ELL: variants seen among roughly 807,000 people sequenced by gnomAD.
The protein encoded by ELL is elongation factor for RNA polymerase II, also known as RNA polymerase II elongation factor ELL.
ELL carries 18 observed loss-of-function variants against 64.0 expected under a neutral mutation model. That is an observed-to-expected ratio of 0.28 (90% confidence interval 0.19 to 0.42). The LOEUF (loss-of-function observed/expected upper bound fraction) is 0.42. Among genes scored for constraint, ELL ranks in the 10% least tolerant of loss-of-function variants. ELL has a pLI of 1.00. For missense variants in ELL, 797 were observed against 870.4 expected (o/e 0.92, Z 1.06); for synonymous variants, 399 against 376.2 (o/e 1.06, Z -0.70).
At chr19:18,500,689 G>A (rs372643769) in intron 1 of ELL, among the ~76,000 whole-genome samples, 35 of 148,164 alleles carry the variant, frequency 2.4e-4, no homozygotes, top group East Asian at 5.8e-4. Context: ...GCCAGGCCCC[G>A]GGCAGCATGG....
At chr19:18,469,265 G>A (rs1040624493) in intron 2 of ELL, among the ~76,000 whole-genome samples, 1 of 152,212 alleles carries the variant, frequency 6.6e-6, no homozygotes, top group East Asian at 1.9e-4. Flanking sequence ...CAGACACCGA[G>A]GTTCTCACAG....
At chr19:18,447,806 CAG>C (rs1974449068) in intron 8 of ELL, among the ~76,000 whole-genome samples, 1 of 148,314 alleles carries the variant, frequency 6.7e-6, no homozygotes, top group African/African-American at 2.5e-5. Context: ...TTTTTAGAGA[CAG>C]GGTCTTGCTC....
At chr19:18,446,131 A>T in intron 10 of ELL, 178 bp downstream of exon 10, 1 of 774,256 alleles carries the variant, frequency 1.3e-6, no homozygotes, top group Non-Finnish European at 2.0e-6. Flanking sequence ...CCACAACAGG[A>T]CCCCAGGGCC....
chr19:18,501,834 C>T lies in ELL; in HGVS notation c.135+20087G>A, dbSNP rs1975784708. ...TCCTCAACCTCCAGCTACGTGTCTG[C>T]GGGTGGGCAGGAAGGAGGGGAGGCA... is the stretch of plus-strand genomic sequence containing the variant. On this transcript the variant is annotated intron_variant, in intron 1 of 11. Transcript: ENST00000262809. This position sits in a 1 kb window ranked among gnomAD's most constrained non-coding sequence, Gnocchi z 4.5. Among the ~76,000 whole-genome samples the T allele has an allele frequency of 6.6e-6, 1 of 152,182 alleles. No homozygotes were observed. The highest frequency in any genetic ancestry group is 1.5e-5 in the Non-Finnish European group (1 of 68,028).
chr19:18,496,436 C>T (rs1975654464), intron 1 of ELL, among the ~76,000 whole-genome samples: 3 of 152,168 alleles, frequency 2.0e-5, no homozygotes, highest in South Asian at 4.1e-4. Context: ...CCTCACACTG[C>T]ACCCAGAGTG....
intron 1 of ELL, among the ~76,000 whole-genome samples, chr19:18,509,682 G>A (rs1821067594): frequency 6.7e-6 from 1 of 149,026 alleles, no homozygotes; most frequent in South Asian, 2.1e-4. Context: ...TGGAGGCCTG[G>A]GGCTCCTCCT....
In ELL at chr19:18,490,463, G is replaced by A. The variant is rs536381742; in HGVS notation, c.136-17581C>T. ...GACCTCACATTGTCCTCCCCGCAGCGGGAGCCCATGGGCAGTGGCACACTG... is the reference window on the plus strand; with the variant it reads ...GACCTCACATTGTCCTCCCCGCAGCAGGAGCCCATGGGCAGTGGCACACTG... On this transcript the variant is annotated intron_variant, in intron 1 of 11. Coordinates refer to ENST00000262809, the MANE Select transcript of ELL (RefSeq NM_006532.4). 9.2e-5 allele frequency among the ~76,000 whole-genome samples: 14 copies of A among 152,276 alleles called. No individual in the cohort carries two copies. The South Asian group carries it at 2.3e-3, about 25-fold the overall frequency.
rs568866266 is a variant in ELL, at chr19:18,445,238, G to T, written c.1735C>A (p.Arg579=). 2 of 1,613,784 alleles carry T rather than the reference G, an allele frequency of 1.2e-6. No individual in the cohort carries two copies. The highest frequency in any genetic ancestry group is 2.2e-5 in the East Asian group (1 of 44,880). Residue 579 remains arginine, a synonymous_variant, in exon 11 of 12, where the codon CGA becomes AGA. Coordinates refer to ENST00000262809, the MANE Select transcript of ELL (RefSeq NM_006532.4). Reference sequence around the variant, plus strand: ...GAGACACTCACCTTTTTGATTTTTCGATATTCCTGCAAAATCTGCCCTCGA... The same window carrying T: ...GAGACACTCACCTTTTTGATTTTTCTATATTCCTGCAAAATCTGCCCTCGA... ...TTRGQILQEY[R]KIKKTNTNYS...
chr19:18,480,188 A>T (rs1327817967), intron 1 of ELL, among the ~76,000 whole-genome samples: 1 of 152,242 alleles, frequency 6.6e-6, no homozygotes, highest in African/African-American at 2.4e-5. Context: ...TCCCGGGAAG[A>T]GCCCTGGACG....
intron 1 of ELL, among the ~76,000 whole-genome samples, chr19:18,488,973 C>T (rs746280712): frequency 2.0e-5 from 3 of 152,236 alleles, no homozygotes; most frequent in African/African-American, 4.8e-5. Flanking sequence ...TGTGCAGGCG[C>T]GGGTCCCTGC....
At chr19:18,514,513 CAAAAAAAAAAA>C (rs557236460) in intron 1 of ELL, among the ~76,000 whole-genome samples, 2 of 39,328 alleles carry the variant, frequency 5.1e-5, no homozygotes, top group Non-Finnish European at 1.2e-4. Flanking sequence ...GACTCCATCT[CAAAAAAAAAAA>C]AAAAAAAAAA....
At chr19:18,490,574 C>G (rs1212897325) in intron 1 of ELL, among the ~76,000 whole-genome samples, 5 of 152,284 alleles carry the variant, frequency 3.3e-5, no homozygotes, top group South Asian at 2.1e-4. Flanking sequence ...AACATAGACC[C>G]CTCCTCACTT....
intron 6 of ELL, among the ~76,000 whole-genome samples, chr19:18,456,074 G>T (rs1167512972): frequency 6.6e-6 from 1 of 150,884 alleles, no homozygotes; most frequent in Non-Finnish European, 1.5e-5. Flanking sequence ...TCCAGCCTGG[G>T]CAACAAGAGC....
chr19:18,507,820 A>G lies in ELL; in HGVS notation c.135+14101T>C, dbSNP rs925253972. ...GCTCAGAGACTGCATTCAGAGCCCAACTAGAATCAGACACAGGTTCTGCGG... is the reference window on the plus strand; with the variant it reads ...GCTCAGAGACTGCATTCAGAGCCCAGCTAGAATCAGACACAGGTTCTGCGG... On this transcript the variant is annotated intron_variant, in intron 1 of 11. Coordinates refer to ENST00000262809, the MANE Select transcript of ELL (RefSeq NM_006532.4). Among the ~76,000 whole-genome samples the G allele has an allele frequency of 2.0e-5, 3 of 152,268 alleles. No individual in the cohort carries two copies. The East Asian group carries it at 5.8e-4, about 29-fold the overall frequency.
chr19:18,500,987 A>G (rs1975769201), intron 1 of ELL, among the ~76,000 whole-genome samples: 1 of 152,116 alleles, frequency 6.6e-6, no homozygotes, highest in Non-Finnish European at 1.5e-5. Flanking sequence ...GACTCCACAG[A>G]GCAGAACCTG....
chr19:18,493,402 C>A (rs1022946751), intron 1 of ELL, among the ~76,000 whole-genome samples: 3 of 152,240 alleles, frequency 2.0e-5, no homozygotes, highest in Non-Finnish European at 4.4e-5. Flanking sequence ...CCCTCTGAAG[C>A]CAGGGCTGTG....
intron 8 of ELL, 70 bp from the exon 9 acceptor site, chr19:18,446,884 G>A (rs1420576417): frequency 6.6e-7 from 1 of 1,514,654 alleles, no homozygotes; most frequent in African/African-American, 1.4e-5. Context: ...ACGCCAGGAT[G>A]GGGACATGCA....
In ELL at chr19:18,521,963, G is replaced by A. The variant is rs746006736; in HGVS notation, c.93C>T (p.Thr31=). 1 of 1,610,416 alleles carries A rather than the reference G, an allele frequency of 6.2e-7. No individual in the cohort carries two copies. Among genetic ancestry groups the A allele is most frequent in the South Asian group, 1.1e-5 (1 of 90,724 alleles). ...SKVSVFHVKL[T]DSALRAFESY... Reference sequence around the variant, plus strand: ...TCTCGAAGGCCCTCAGGGCACTGTCGGTGAGCTTCACGTGGAACACCGACA... The same window carrying A: ...TCTCGAAGGCCCTCAGGGCACTGTCAGTGAGCTTCACGTGGAACACCGACA... Residue 31 remains threonine, a synonymous_variant, in exon 1 of 12, where the codon ACC becomes ACT. Coordinates refer to ENST00000262809, the MANE Select transcript of ELL (RefSeq NM_006532.4).
intron 6 of ELL, among the ~76,000 whole-genome samples, chr19:18,453,069 C>T (rs1281153826): frequency 6.6e-6 from 1 of 152,174 alleles, no homozygotes; most frequent in Non-Finnish European, 1.5e-5. Flanking sequence ...GTCAGGAGTT[C>T]GGGACCAGTC....
Sources: allele counts gnomAD v4.1 joint callset (sites outside exome capture counted in the v4.1 genomes callset), GRCh38; gene constraint gnomAD v4.1.1; non-coding constraint Gnocchi (gnomAD v3.1); transcripts MANE v1.5; gene names NCBI Gene and HGNC (gene_info 2026-07-23, HGNC 2026-07-21).